Variants in PTPRC observed in about 807,000 individuals in gnomAD.
PTPRC encodes receptor-type tyrosine-protein phosphatase C.
Under a neutral mutation model 155.9 loss-of-function variants are expected in PTPRC, and 44 were observed. That is an observed-to-expected ratio of 0.28 (90% confidence interval 0.22 to 0.36). The LOEUF (loss-of-function observed/expected upper bound fraction) is 0.36, where lower values mean the gene tolerates loss of function less well. Among genes scored for constraint, PTPRC ranks in the 10% least tolerant of loss-of-function variants. The pLI is 1.00. For synonymous variants in PTPRC, 525 were observed against 533.1 expected (o/e 0.98, Z 0.21); for missense variants, 1,401 against 1,564.6 (o/e 0.90, Z 1.76).
intron 2 of PTPRC, among the ~76,000 whole-genome samples, chr1:198,656,638 AGTTTTTT>A (rs1173548838): frequency 4.9e-5 from 6 of 122,844 alleles, no homozygotes; most frequent in South Asian, 3.0e-4. Context: ...CAGGGCTACT[AGTTTTTT>A]GTTTTTTGTT....
At chr1:198,749,902 A>G (rs1204072496) in intron 28 of PTPRC, among the ~76,000 whole-genome samples, 2 of 151,876 alleles carry the variant, frequency 1.3e-5, no homozygotes, top group African/African-American at 4.8e-5. Context: ...ACAAATTTGT[A>G]TATTTGTATG....
intron 23 of PTPRC, among the ~76,000 whole-genome samples, chr1:198,741,308 C>G (rs533035433): frequency 6.6e-6 from 1 of 151,840 alleles, no homozygotes. Flanking sequence ...TTTCCTCAGT[C>G]GTCTCTCTAC....
chr1:198,720,159 G>A (rs1448021554), intron 14 of PTPRC, among the ~76,000 whole-genome samples: 1 of 152,016 alleles, frequency 6.6e-6, no homozygotes, highest in Non-Finnish European at 1.5e-5. Context: ...GCCTATTATT[G>A]TCTTTATTAG....
At chr1:198,742,194 A>G (rs764008914) in intron 24 of PTPRC, 38 bp from the exon 25 acceptor site, 2 of 1,612,030 alleles carry the variant, frequency 1.2e-6, no homozygotes, top group South Asian at 1.1e-5. Flanking sequence ...CAGCTTTTCC[A>G]TGATCATGCC....
At chr1:198,741,788 C>A in intron 23 of PTPRC, 81 bp from the exon 24 acceptor site, 1 of 1,378,512 alleles carries the variant, frequency 7.3e-7, no homozygotes, top group Middle Eastern at 2.0e-4. Flanking sequence ...AGACTTTGTA[C>A]TGGTACTCCC....
At chr1:198,706,672 T>A in intron 8 of PTPRC, 62 bp from the exon 9 acceptor site, 3 of 1,536,420 alleles carry the variant, frequency 2.0e-6, no homozygotes, top group Non-Finnish European at 1.8e-6. Context: ...ATTTTGGCAT[T>A]TGCATTAATG....
chr1:198,641,895 T>C (rs2102171789), intron 2 of PTPRC, among the ~76,000 whole-genome samples: 1 of 152,226 alleles, frequency 6.6e-6, no homozygotes, highest in Non-Finnish European at 1.5e-5. Context: ...TCTCATGTTA[T>C]AAACATGGAC....
intron 2 of PTPRC, among the ~76,000 whole-genome samples, chr1:198,690,627 G>C (rs562355415): frequency 2.0e-5 from 3 of 152,038 alleles, no homozygotes; most frequent in East Asian, 1.9e-4. Context: ...TGAAGAATAC[G>C]GGGTGATGCT....
At position 198,744,094 on chromosome 1, in the gene PTPRC, A is replaced by G. The variant is rs532932175; in HGVS notation, c.2738A>G (p.Asn913Ser). 1 of 1,605,750 alleles carries G rather than the reference A, an allele frequency of 6.2e-7. No individual in the cohort carries two copies. Among genetic ancestry groups the G allele is most frequent in the African/African-American group, 1.3e-5 (1 of 74,730 alleles). Reference sequence around the variant, plus strand: ...ATCCATCAGGCTTTGGTGGAATACAATCAGTTTGGAGAAACAGAAGTGAAT... The same window carrying G: ...ATCCATCAGGCTTTGGTGGAATACAGTCAGTTTGGAGAAACAGAAGTGAAT... ...ILIHQALVEY[N>S]QFGETEVNLS... The change falls in exon 26 of 33, where the codon AAT becomes AGT. Residue 913 changes from asparagine to serine, a missense_variant. By Grantham distance (46) the Asn-to-Ser change is conservative (BLOSUM62 1). This residue lies in a region of PTPRC where 134 missense variants were observed against 204.7 expected (regional missense o/e 0.65). Transcript: ENST00000442510.
intron 20 of PTPRC, among the ~76,000 whole-genome samples, chr1:198,732,878 A>G (rs1031799473): frequency 6.6e-6 from 1 of 151,886 alleles, no homozygotes; most frequent in Non-Finnish European, 1.5e-5. Flanking sequence ...TGCCTCAGCC[A>G]TGTGCCGTAT....
chr1:198,751,702 G>A (rs912662574), intron 29 of PTPRC, among the ~76,000 whole-genome samples: 1 of 152,000 alleles, frequency 6.6e-6, no homozygotes, highest in Admixed American at 6.6e-5. Flanking sequence ...TTTGTAGTAA[G>A]AAGAAACACT....
chr1:198,728,294 A>G (rs1571875237), intron 15 of PTPRC, 46 bp from the exon 16 acceptor site: 1 of 1,487,352 alleles, frequency 6.7e-7, no homozygotes, highest in Non-Finnish European at 9.4e-7. Flanking sequence ...CAGTCTAGCA[A>G]GTTATTTGAC....
chr1:198,754,743 G>A (rs1311909768), intron 32 of PTPRC, among the ~76,000 whole-genome samples: 1 of 151,966 alleles, frequency 6.6e-6, no homozygotes, highest in African/African-American at 2.4e-5. Context: ...CCAAATTTGG[G>A]AGCCTAAACA....
chr1:198,692,243 T>TGTTC (rs1346660566), intron 2 of PTPRC, 104 bp from the exon 3 acceptor site: 5 of 803,792 alleles, frequency 6.2e-6, no homozygotes, highest in Non-Finnish European at 9.4e-6. Flanking sequence ...ACTTGGTGAA[T>TGTTC]GTTCTATCAT....
intron 22 of PTPRC, 83 bp downstream of exon 22, chr1:198,734,508 T>A: frequency 8.8e-7 from 1 of 1,139,538 alleles, no homozygotes; most frequent in Non-Finnish European, 1.3e-6. Context: ...GCCACATGTA[T>A]CTGCCTGATG....
intron 2 of PTPRC, among the ~76,000 whole-genome samples, chr1:198,679,385 C>A (rs560198520): frequency 6.7e-6 from 1 of 148,310 alleles, no homozygotes; most frequent in South Asian, 2.2e-4. Context: ...GCCGTGCCAC[C>A]ACGCCCAGCT....
chr1:198,652,717 G>A (rs574646963), intron 2 of PTPRC, among the ~76,000 whole-genome samples: 59 of 151,796 alleles, frequency 3.9e-4, no homozygotes, highest in Non-Finnish European at 8.1e-4. Flanking sequence ...AGGGAACCCA[G>A]GAGTCCATCC....
chr1:198,662,340 T>C (rs905951766), intron 2 of PTPRC, among the ~76,000 whole-genome samples: 1 of 152,004 alleles, frequency 6.6e-6, no homozygotes, highest in African/African-American at 2.4e-5. Context: ...GCATGGAAAA[T>C]GTAGGCAATT....
chr1:198,699,731 A>G, intron 5 of PTPRC, 27 bp downstream of exon 5: 1 of 1,613,870 alleles, frequency 6.2e-7, no homozygotes, highest in South Asian at 1.1e-5. Context: ...GACTTGTGCA[A>G]ATATGAAAAG....
Sources: allele counts gnomAD v4.1 joint callset (sites outside exome capture counted in the v4.1 genomes callset), GRCh38; gene constraint gnomAD v4.1.1; regional missense constraint gnomAD v4.1.1; transcripts MANE v1.5; gene names NCBI Gene and HGNC (gene_info 2026-07-23, HGNC 2026-07-21).